The following ARHGAP17 variants were observed in gnomAD, a reference collection of about 807,000 sequenced individuals.
ARHGAP17 encodes the protein Rho GTPase activating protein 17, also known as rho GTPase-activating protein 17.
A neutral mutation model predicts 99.5 loss-of-function variants in ARHGAP17; 57 were observed. That is an observed-to-expected ratio of 0.57 (90% CI 0.46 to 0.71). The LOEUF is 0.71. Ranked by LOEUF, ARHGAP17 falls within the 30% of genes least tolerant of loss-of-function variation. ARHGAP17 has a pLI of 0.00. For missense variants in ARHGAP17, 1,000 were observed against 1,122.4 expected (o/e 0.89, Z 1.56); for synonymous variants, 417 against 429.6 (o/e 0.97, Z 0.36).
At chr16:24,999,535 C>T (rs943219930) in intron 1 of ARHGAP17, among the ~76,000 whole-genome samples, 2 of 152,048 alleles carry the variant, frequency 1.3e-5, no homozygotes, top group African/African-American at 4.8e-5. Flanking sequence ...TCTATCTCAG[C>T]CTCCTGAAAT....
intron 1 of ARHGAP17, among the ~76,000 whole-genome samples, chr16:25,000,122 A>G (rs569829137): frequency 6.6e-6 from 1 of 152,300 alleles, no homozygotes; most frequent in African/African-American, 2.4e-5. Context: ...AGTCCAATAC[A>G]CTTTTTACTA....
chr16:24,953,786 G>A (rs879796975), intron 10 of ARHGAP17, among the ~76,000 whole-genome samples: 1 of 152,146 alleles, frequency 6.6e-6, no homozygotes, highest in Non-Finnish European at 1.5e-5. Flanking sequence ...CTTCTCAGTT[G>A]TGATGATCCA....
At chr16:24,970,355 C>T (rs1216628233) in intron 4 of ARHGAP17, 152 bp downstream of exon 4, 11 of 750,622 alleles carry the variant, frequency 1.5e-5, no homozygotes, top group Non-Finnish European at 2.5e-5. Context: ...CTTGACCCCA[C>T]TTTCTCCCAA....
At chr16:24,930,167 C>T (rs2050944340) in intron 19 of ARHGAP17, among the ~76,000 whole-genome samples, 1 of 152,216 alleles carries the variant, frequency 6.6e-6, no homozygotes, top group African/African-American at 2.4e-5. Context: ...CAAACAGGTT[C>T]CCACTGGGTC....
intron 1 of ARHGAP17, among the ~76,000 whole-genome samples, chr16:24,989,548 G>A (rs1050938639): frequency 2.6e-5 from 4 of 152,056 alleles, no homozygotes; most frequent in African/African-American, 9.7e-5. Flanking sequence ...GCCAGAAAAC[G>A]GGAATCTATA....
chr16:24,986,070 G>C (rs1314894565), intron 1 of ARHGAP17, among the ~76,000 whole-genome samples: 1 of 152,182 alleles, frequency 6.6e-6, no homozygotes, highest in Non-Finnish European at 1.5e-5. Flanking sequence ...GACAGTTGAA[G>C]ACCGTCAAAC....
At chr16:24,950,240 C>G (rs1401588309) in intron 12 of ARHGAP17, among the ~76,000 whole-genome samples, 4 of 152,166 alleles carry the variant, frequency 2.6e-5, no homozygotes, top group Non-Finnish European at 5.9e-5. Context: ...ATTGACAATT[C>G]TCAACTATAG....
Position 24,968,737 on chromosome 16 carries a change from T to C in ARHGAP17, c.308A>G (p.Gln103Arg), listed in dbSNP as rs781722439. The change falls in exon 5 of 20, where the codon CAG becomes CGG. Residue 103 changes from glutamine to arginine, a missense_variant. This residue lies in a region of ARHGAP17 where 472 missense variants were observed against 611.1 expected (regional missense o/e 0.77). Coordinates refer to ENST00000289968, the MANE Select transcript of ARHGAP17 (RefSeq NM_001006634.3). ...GTGCTGGGAGAGCTCGAGAGCCAGC[T>C]GATTCTCAGCATCTCCACACGTCTC... ...MLETCGDAEN[Q>R]LALELSQHEV... The C allele has an allele frequency of 6.2e-7, 1 of 1,614,232 alleles. No individual in the cohort carries two copies. The highest frequency in any genetic ancestry group is 8.5e-7 in the Non-Finnish European group (1 of 1,180,042).
At chr16:24,958,304 C>A (rs1461538151) in intron 9 of ARHGAP17, among the ~76,000 whole-genome samples, 1 of 152,238 alleles carries the variant, frequency 6.6e-6, no homozygotes. Flanking sequence ...TTAATCAACT[C>A]TTTCAAATCA....
chr16:24,972,638 T>G (rs2080242469), intron 3 of ARHGAP17: 1 of 152,132 alleles, frequency 6.6e-6, no homozygotes. Flanking sequence ...AAATACCTAT[T>G]AAAGATCAAT....
chr16:24,965,901 G>C (rs541634294), intron 6 of ARHGAP17, among the ~76,000 whole-genome samples: 43 of 152,218 alleles, frequency 2.8e-4, no homozygotes, highest in African/African-American at 1.0e-3. Flanking sequence ...TTTTCTCCAG[G>C]GAAAAGCAAG....
chr16:24,929,615 T>C (rs995569543), intron 19 of ARHGAP17: 2 of 987,816 alleles, frequency 2.0e-6, no homozygotes, highest in Admixed American at 1.2e-4. Context: ...TTACAGACCT[T>C]AGTCCTGGAA....
At chr16:24,952,548 GA>G (rs950566486) in intron 11 of ARHGAP17, among the ~76,000 whole-genome samples, 178 bp from the exon 12 acceptor site, 15 of 147,958 alleles carry the variant, frequency 1.0e-4, no homozygotes, top group East Asian at 3.9e-4. Context: ...TTCAATCTCT[GA>G]AAAAAAAAAG....
At chr16:24,977,106 C>T in intron 3 of ARHGAP17, 109 bp downstream of exon 3, 2 of 779,572 alleles carry the variant, frequency 2.6e-6, no homozygotes, top group Non-Finnish European at 3.7e-6. Flanking sequence ...TGATAGAAGT[C>T]ACCAAAGGCT....
chr16:24,931,973 C>T (rs866892642), intron 18 of ARHGAP17, among the ~76,000 whole-genome samples: 11 of 152,014 alleles, frequency 7.2e-5, no homozygotes, highest in Non-Finnish European at 1.3e-4. Context: ...AAAAATTAGC[C>T]GGGCGTGGTG....
intron 1 of ARHGAP17, among the ~76,000 whole-genome samples, chr16:24,986,222 T>A (rs2052866120): frequency 6.6e-6 from 1 of 152,196 alleles, no homozygotes; most frequent in African/African-American, 2.4e-5. Context: ...AATTCTCACA[T>A]CAACCCTATT....
intron 19 of ARHGAP17, among the ~76,000 whole-genome samples, chr16:24,927,271 C>T (rs1431206744): frequency 1.3e-5 from 2 of 152,176 alleles, no homozygotes; most frequent in African/African-American, 4.8e-5. Flanking sequence ...TAATCTTGGA[C>T]TTTCTCTTAT....
intron 16 of ARHGAP17, 164 bp from the exon 17 acceptor site, chr16:24,939,761 C>G: frequency 1.4e-6 from 1 of 697,242 alleles, no homozygotes; most frequent in Admixed American, 2.3e-5. Context: ...CTGAGCAACT[C>G]CACTCGGCTT....
At chr16:24,993,579 ACT>A (rs1379361104) in intron 1 of ARHGAP17, among the ~76,000 whole-genome samples, 1 of 141,308 alleles carries the variant, frequency 7.1e-6, no homozygotes, top group East Asian at 2.1e-4. Context: ...ATAGAGTGAG[ACT>A]CTGTCTCAAA....
Sources: gnomAD v4.1 joint callset for allele counts (sites outside exome capture counted in the v4.1 genomes callset) on GRCh38, gnomAD v4.1.1 for gene constraint, gnomAD v4.1.1 regional missense constraint, MANE v1.5 for transcripts, NCBI Gene and HGNC (gene_info 2026-07-23, HGNC 2026-07-21) for gene names.